The following SPATA31G1 variants were observed in gnomAD, a reference collection of about 807,000 sequenced individuals.
SPATA31G1 encodes the protein spermatogenesis-associated protein 31G1.
the SPATA31G1 span, chr9:35,044,771 T>C: frequency 4.0e-5 from 64 of 1,613,536 alleles, no homozygotes; most frequent in Non-Finnish European, 5.1e-5. Flanking sequence ...AAAGAGAAGT[T>C]CCCCAAGGCC....
chr9:35,045,434 G>A, the SPATA31G1 span: 1 of 1,614,006 alleles, frequency 6.2e-7, no homozygotes, highest in East Asian at 2.2e-5. Context: ...GAAAGGACAA[G>A]GCTTCAGCCT....
the SPATA31G1 span, chr9:35,045,454 C>T: frequency 6.2e-7 from 1 of 1,613,988 alleles, no homozygotes; most frequent in Non-Finnish European, 8.5e-7. Flanking sequence ...TCATCCTCAG[C>T]CAAAAAGAGA....
At chr9:35,041,380 G>A in the SPATA31G1 span, 1 of 208,120 alleles carries the variant, frequency 4.8e-6, no homozygotes, top group South Asian at 5.9e-5. Flanking sequence ...AAGATGGAGA[G>A]GAAAGTCTTT....
chr9:35,041,261 TA>T, the SPATA31G1 span: 1 of 232,834 alleles, frequency 4.3e-6, no homozygotes. Context: ...TTGTGGAAGC[TA>T]AGAACATAAA....
the SPATA31G1 span, chr9:35,044,082 A>G: frequency 6.2e-7 from 1 of 1,614,064 alleles, no homozygotes; most frequent in Non-Finnish European, 8.5e-7. Context: ...GTCTCTAGTA[A>G]TGGGCCCCCA....
At chr9:35,045,552 G>A in the SPATA31G1 span, 8 of 1,614,086 alleles carry the variant, frequency 5.0e-6, no homozygotes, top group African/African-American at 1.3e-5. Flanking sequence ...GAACCACCCT[G>A]CCCAGGCCAG....
the SPATA31G1 span, chr9:35,045,544 ACCACCCTGCCCAGGCCAGAAG>A: frequency 1.2e-6 from 2 of 1,614,182 alleles, no homozygotes. Flanking sequence ...ACAGGGAAGA[ACCACCCTGCCCAGGCCAGAAG>A]CCTAGTAGAG....
At chr9:35,044,114 A>G in the SPATA31G1 span, 2 of 1,614,060 alleles carry the variant, frequency 1.2e-6, no homozygotes, top group Non-Finnish European at 8.5e-7. Context: ...CTGAATCCAA[A>G]GCTTTGTGGG....
At chr9:35,041,136 A>G in the SPATA31G1 span, 1 of 454,658 alleles carries the variant, frequency 2.2e-6, no homozygotes, top group Non-Finnish European at 4.4e-6. Context: ...GAGGAAGTTA[A>G]CTTGTGGAAT....
the SPATA31G1 span, chr9:35,042,652 G>C: frequency 8.3e-7 from 1 of 1,198,626 alleles, no homozygotes; most frequent in Non-Finnish European, 1.2e-6. Context: ...ATGGATTCTA[G>C]ATGTAGAATG....
chr9:35,044,605 AG>A, the SPATA31G1 span: 1 of 1,614,176 alleles, frequency 6.2e-7, no homozygotes, highest in Non-Finnish European at 8.5e-7. Flanking sequence ...CACGTAAGTG[AG>A]CCTATCGCAG....
chr9:35,045,626 T>C, the SPATA31G1 span: 1 of 1,614,166 alleles, frequency 6.2e-7, no homozygotes, highest in South Asian at 1.1e-5. Context: ...GCCAGAGCTC[T>C]CAACACACTG....
chr9:35,043,649 G>A, the SPATA31G1 span: 4 of 1,614,178 alleles, frequency 2.5e-6, no homozygotes, highest in Non-Finnish European at 3.4e-6. Flanking sequence ...AGCCTCCGAT[G>A]CCACCCCCCT....
At chr9:35,045,015 C>T in the SPATA31G1 span, 1 of 1,614,248 alleles carries the variant, frequency 6.2e-7, no homozygotes, top group Non-Finnish European at 8.5e-7. Context: ...GAAACTGCGG[C>T]AGAGCCCTGC....
chr9:35,043,790 C>G, the SPATA31G1 span: 22 of 1,614,168 alleles, frequency 1.4e-5, no homozygotes, highest in Non-Finnish European at 1.9e-5. Context: ...CAATGCCAGT[C>G]CCTTGCCCTC....
chr9:35,042,363 C>T, the SPATA31G1 span: 3 of 1,614,240 alleles, frequency 1.9e-6, no homozygotes, highest in Non-Finnish European at 2.5e-6. Context: ...CAGCTGCTTC[C>T]AGAGTCCAGG....
chr9:35,045,791 C>T, the SPATA31G1 span: 1 of 1,614,166 alleles, frequency 6.2e-7, no homozygotes, highest in African/African-American at 1.3e-5. Flanking sequence ...TCAAGGCTTC[C>T]CTTACCAGGG....
At chr9:35,043,241 C>A in the SPATA31G1 span, 1 of 1,614,212 alleles carries the variant, frequency 6.2e-7, no homozygotes, top group Non-Finnish European at 8.5e-7. Flanking sequence ...CTCTGCACAG[C>A]GAGTCCTTGG....
the SPATA31G1 span, chr9:35,045,703 C>A: frequency 6.2e-7 from 1 of 1,614,240 alleles, no homozygotes; most frequent in Non-Finnish European, 8.5e-7. Context: ...GGGCGAAGAG[C>A]AAGTGACATC....
Sources: allele counts gnomAD v4.1 joint callset, GRCh38; gene constraint gnomAD v4.1.1; transcripts MANE v1.5; gene names NCBI Gene and HGNC (gene_info 2026-07-23, HGNC 2026-07-21).